The following TSHZ2 variants were observed in gnomAD, a reference collection of about 807,000 sequenced individuals.
TSHZ2 encodes the protein teashirt homolog 2.
A neutral mutation model predicts 74.4 loss-of-function variants in TSHZ2; 21 were observed. The ratio of observed to expected loss-of-function variants is 0.28; its 90% CI spans 0.20 to 0.41. The LOEUF is 0.41. Ranked by LOEUF, TSHZ2 falls within the 10% of genes least tolerant of loss-of-function variation. The probability of loss-of-function intolerance (pLI) is 1.00; values close to 1 mark genes in which losing one functional copy is unlikely to be tolerated. For missense variants in TSHZ2, 1,244 were observed against 1,293.5 expected (o/e 0.96, Z 0.59); for synonymous variants, 540 against 515.3 (o/e 1.05, Z -0.65).
chr20:53,301,495 C>T (rs1413739228), intron 2 of TSHZ2, among the ~76,000 whole-genome samples: 1 of 152,162 alleles, frequency 6.6e-6, no homozygotes, highest in Non-Finnish European at 1.5e-5. Flanking sequence ...TAAACAGTTG[C>T]TAATGGTATT....
At chr20:53,337,695 T>C (rs1456359447) in intron 2 of TSHZ2, among the ~76,000 whole-genome samples, 1 of 152,180 alleles carries the variant, frequency 6.6e-6, no homozygotes, top group Non-Finnish European at 1.5e-5. Context: ...CAAAGATAAT[T>C]AAATAACATT....
intron 1 of TSHZ2, among the ~76,000 whole-genome samples, chr20:53,003,255 GGTGTGTGTGTGTGTGTGTGTGT>G (rs11468763): frequency 7.2e-6 from 1 of 139,606 alleles, no homozygotes; most frequent in East Asian, 2.2e-4. Flanking sequence ...CTCCAGGGAT[GGTGTGTGTGTGTGTGTGTGTGT>G]GTGTGTGTGT....
chr20:53,427,011 G>C (rs1983680439), intron 2 of TSHZ2, among the ~76,000 whole-genome samples: 1 of 152,236 alleles, frequency 6.6e-6, no homozygotes, highest in Non-Finnish European at 1.5e-5. Context: ...GACGGGGTCA[G>C]ATCTTCACTT....
Position 53,369,211 on chromosome 20 carries a change from G to C in TSHZ2, c.*8+112640G>C, listed in dbSNP as rs545748610. On this transcript the variant is annotated intron_variant, in intron 2 of 2. Coordinates refer to ENST00000371497, the MANE Select transcript of TSHZ2 (RefSeq NM_173485.6). Reference sequence around the variant, plus strand: ...TCCCAGGAGGTCATGACTGTAATGAGCCTAGATTGTGCCACTGCACTCCAG... The same window carrying C: ...TCCCAGGAGGTCATGACTGTAATGACCCTAGATTGTGCCACTGCACTCCAG... 1.4e-4 allele frequency among the ~76,000 whole-genome samples: 22 copies of C among 152,292 alleles called. No homozygotes were observed. In the South Asian group the frequency reaches 4.6e-3, roughly 32 times the overall value.
chr20:53,051,345 A>T (rs1311740308), intron 1 of TSHZ2, among the ~76,000 whole-genome samples: 1 of 152,162 alleles, frequency 6.6e-6, no homozygotes, highest in Non-Finnish European at 1.5e-5. Flanking sequence ...GTCTCAAAAA[A>T]AAGATATTGT....
intron 2 of TSHZ2, among the ~76,000 whole-genome samples, chr20:53,260,896 C>CA (rs1368669791): frequency 7.2e-5 from 11 of 152,178 alleles, no homozygotes; most frequent in African/African-American, 2.2e-4. Flanking sequence ...AATAATCCTG[C>CA]AAAATCTCAA....
intron 1 of TSHZ2, among the ~76,000 whole-genome samples, chr20:52,988,267 T>C (rs1363587515): frequency 6.6e-6 from 1 of 152,188 alleles, no homozygotes. Context: ...TCAGGTTGTT[T>C]ATATACAATC....
intron 2 of TSHZ2, among the ~76,000 whole-genome samples, chr20:53,268,874 C>T (rs909008274): frequency 1.3e-5 from 2 of 152,200 alleles, no homozygotes; most frequent in African/African-American, 4.8e-5. Flanking sequence ...GGGTCAGACA[C>T]ACCTGGGTTC....
At chr20:53,359,288 G>C (rs1202295764) in intron 2 of TSHZ2, among the ~76,000 whole-genome samples, 1 of 152,228 alleles carries the variant, frequency 6.6e-6, no homozygotes, top group South Asian at 2.1e-4. Flanking sequence ...GGCCAAACCT[G>C]TTCTGGCTCT....
At chr20:53,459,238 C>T (rs1239206130) in intron 2 of TSHZ2, among the ~76,000 whole-genome samples, 1 of 152,140 alleles carries the variant, frequency 6.6e-6, no homozygotes, top group African/African-American at 2.4e-5. Context: ...AATCTGGGTG[C>T]TCCTGTATTG....
At chr20:53,016,345 T>C (rs1983039195) in intron 1 of TSHZ2, among the ~76,000 whole-genome samples, 1 of 152,170 alleles carries the variant, frequency 6.6e-6, no homozygotes, top group African/African-American at 2.4e-5. Context: ...ACTAAACAGT[T>C]TCAAAAGAAC....
At chr20:53,380,930 A>G (rs1981835788) in intron 2 of TSHZ2, among the ~76,000 whole-genome samples, 1 of 152,210 alleles carries the variant, frequency 6.6e-6, no homozygotes, top group African/African-American at 2.4e-5. Context: ...AAGAAAATAG[A>G]TACTATAGTA....
chr20:53,380,229 C>A (rs548113355), intron 2 of TSHZ2, among the ~76,000 whole-genome samples: 2 of 151,892 alleles, frequency 1.3e-5, no homozygotes, highest in South Asian at 2.1e-4. Context: ...AACAGTGTTT[C>A]CAAAAATATG....
chr20:52,992,927 T>A (rs982092423), intron 1 of TSHZ2, among the ~76,000 whole-genome samples: 1 of 152,228 alleles, frequency 6.6e-6, no homozygotes, highest in African/African-American at 2.4e-5. Context: ...TTCTGTATTA[T>A]CATCTCAGGA....
intron 2 of TSHZ2, among the ~76,000 whole-genome samples, chr20:53,356,675 GT>G (rs1469191834): frequency 6.6e-6 from 1 of 152,082 alleles, no homozygotes; most frequent in Non-Finnish European, 1.5e-5. Flanking sequence ...TCTTATGCAT[GT>G]CCATTTTGGG....
At chr20:53,159,511 GA>G (rs766442785) in intron 1 of TSHZ2, among the ~76,000 whole-genome samples, 6 of 149,704 alleles carry the variant, frequency 4.0e-5, no homozygotes, top group East Asian at 2.0e-4. Flanking sequence ...GTTCTAGATA[GA>G]AAAAAAAATG....
chr20:53,099,538 G>T (rs1467796782), intron 1 of TSHZ2, among the ~76,000 whole-genome samples: 1 of 152,122 alleles, frequency 6.6e-6, no homozygotes, highest in African/African-American at 2.4e-5. Context: ...GTATTAGTCT[G>T]TTTTCACGCT....
intron 1 of TSHZ2, among the ~76,000 whole-genome samples, chr20:53,110,511 A>G (rs1413831804): frequency 1.3e-5 from 2 of 152,108 alleles, no homozygotes; most frequent in African/African-American, 4.8e-5. Context: ...TACTACTTGG[A>G]GGCATGCTAG....
At chr20:53,116,297 C>T (rs1444662974) in intron 1 of TSHZ2, among the ~76,000 whole-genome samples, 1 of 152,170 alleles carries the variant, frequency 6.6e-6, no homozygotes, top group Non-Finnish European at 1.5e-5. Flanking sequence ...CTGTGTAGCT[C>T]ATTTTGTCTT....
Sources: gnomAD v4.1 joint callset for allele counts (sites outside exome capture counted in the v4.1 genomes callset) on GRCh38, gnomAD v4.1.1 for gene constraint, MANE v1.5 for transcripts, NCBI Gene and HGNC (gene_info 2026-07-23, HGNC 2026-07-21) for gene names.